Variants in PHACTR3 observed in about 807,000 individuals in gnomAD.
PHACTR3 encodes phosphatase and actin regulator 3.
Under a neutral mutation model 66.8 loss-of-function variants are expected in PHACTR3, and 16 were observed. The observed-to-expected ratio is 0.24, with a 90% CI of 0.16 to 0.36. PHACTR3 has a LOEUF of 0.36. Ranked by LOEUF, PHACTR3 falls within the 10% of genes least tolerant of loss-of-function variation. The probability of loss-of-function intolerance (pLI) is 1.00; values close to 1 mark genes in which losing one functional copy is unlikely to be tolerated. For synonymous variants in PHACTR3, 323 were observed against 292.1 expected (o/e 1.11, Z -1.08); for missense variants, 647 against 719.9 (o/e 0.90, Z 1.16).
At chr20:59,707,003 A>G (rs1210627921) in intron 1 of PHACTR3, among the ~76,000 whole-genome samples, 1 of 152,248 alleles carries the variant, frequency 6.6e-6, no homozygotes, top group Non-Finnish European at 1.5e-5. Context: ...ATTTATTTGC[A>G]TAAAGAATCT....
intron 1 of PHACTR3, among the ~76,000 whole-genome samples, chr20:59,702,516 A>G (rs1432804022): frequency 6.6e-6 from 1 of 152,246 alleles, no homozygotes; most frequent in Admixed American, 6.5e-5. Context: ...TGTCCCTCAC[A>G]GACTGCTCTG....
chr20:59,767,024 C>A (rs1423691352), intron 4 of PHACTR3, among the ~76,000 whole-genome samples, 162 bp from the exon 5 acceptor site: 1 of 152,228 alleles, frequency 6.6e-6, no homozygotes, highest in Admixed American at 6.5e-5. Flanking sequence ...TCCGATGGTT[C>A]TATTGAGAGT....
chr20:59,648,024 A>C (rs964785837), intron 1 of PHACTR3, among the ~76,000 whole-genome samples: 4 of 152,208 alleles, frequency 2.6e-5, no homozygotes, highest in African/African-American at 9.7e-5. Flanking sequence ...GAGGTTCCTC[A>C]TCTTATTAGT....
intron 1 of PHACTR3, among the ~76,000 whole-genome samples, chr20:59,580,566 G>GT (rs10690263): frequency 0.068 from 9,933 of 146,980 alleles, 390 homozygotes; most frequent in African/African-American, 0.1. Context: ...CACTAAATGA[G>GT]TTTTTTTTTT....
chr20:59,827,260 C>A (rs1032500473), intron 8 of PHACTR3, among the ~76,000 whole-genome samples: 17 of 152,154 alleles, frequency 1.1e-4, no homozygotes, highest in African/African-American at 3.9e-4. Flanking sequence ...TGGTGCCTCA[C>A]CTGAGCCCTT....
rs137894405 is a variant in PHACTR3 at position 59,736,741 on chromosome 20, A to G, written c.119-6366A>G. Among the ~76,000 whole-genome samples, 22 of 152,282 alleles carry G rather than the reference A, an allele frequency of 1.4e-4. No homozygotes were observed. In the East Asian group the frequency reaches 3.7e-3, roughly 25 times the overall value. On this transcript the variant is annotated intron_variant, in intron 1 of 12. Coordinates refer to ENST00000371015, the MANE Select transcript of PHACTR3 (RefSeq NM_080672.5). The surrounding 1 kb of genome is among the most constrained non-coding windows in gnomAD (Gnocchi z 4.6). ...TCCTCTGCCCTTGGAGGGGTTTGTAAGTAGTTTTCTCTGAGCAGCACTATT... is the reference window on the plus strand; with the variant it reads ...TCCTCTGCCCTTGGAGGGGTTTGTAGGTAGTTTTCTCTGAGCAGCACTATT...
chr20:59,727,487 G>A (rs1300491488), intron 1 of PHACTR3, among the ~76,000 whole-genome samples: 9 of 152,132 alleles, frequency 5.9e-5, no homozygotes, highest in South Asian at 2.1e-4. Context: ...CAGAGGCGCC[G>A]TTCTTGACCC....
intron 1 of PHACTR3, among the ~76,000 whole-genome samples, chr20:59,592,666 C>T (rs1373242983): frequency 6.6e-6 from 1 of 152,222 alleles, no homozygotes; most frequent in Admixed American, 6.5e-5. Flanking sequence ...TCCTTCTCTG[C>T]AACCCCTGGC....
intron 1 of PHACTR3, among the ~76,000 whole-genome samples, chr20:59,642,992 A>G (rs1051731465): frequency 6.6e-6 from 1 of 152,080 alleles, no homozygotes; most frequent in African/African-American, 2.4e-5. Context: ...GCTCACTGCA[A>G]GCACCACCTC....
intron 1 of PHACTR3, among the ~76,000 whole-genome samples, chr20:59,661,074 A>C (rs2035789218): frequency 1.3e-5 from 2 of 152,344 alleles, no homozygotes; most frequent in African/African-American, 4.8e-5. Flanking sequence ...TAAAGTGGGC[A>C]GTGGATTATG....
intron 1 of PHACTR3, among the ~76,000 whole-genome samples, chr20:59,633,484 C>T (rs887496060): frequency 6.6e-6 from 1 of 152,160 alleles, no homozygotes; most frequent in African/African-American, 2.4e-5. Flanking sequence ...GGGAACAACC[C>T]ACACCAGGGC....
At chr20:59,698,942 C>T (rs369500380) in intron 1 of PHACTR3, among the ~76,000 whole-genome samples, 1 of 152,136 alleles carries the variant, frequency 6.6e-6, no homozygotes, top group Non-Finnish European at 1.5e-5. Flanking sequence ...ATCAATGCTG[C>T]CTGGTAAGTA....
At chr20:59,767,518 C>A (rs952841275) in intron 5 of PHACTR3, 123 bp downstream of exon 5, 2 of 1,154,468 alleles carry the variant, frequency 1.7e-6, no homozygotes, top group Non-Finnish European at 2.4e-6. Flanking sequence ...ATCCATCCAT[C>A]CATACCTTCA....
At chr20:59,600,018 T>C (rs1056794672), upstream of PHACTR3, among the ~76,000 whole-genome samples, 1 of 151,906 alleles carries the variant, frequency 6.6e-6, no homozygotes, top group Admixed American at 6.6e-5. Context: ...CTGAGGTCCA[T>C]GAGATGTTGC....
At chr20:59,762,945 G>A (rs1029510566) in intron 4 of PHACTR3, among the ~76,000 whole-genome samples, 10 of 152,218 alleles carry the variant, frequency 6.6e-5, no homozygotes. Context: ...GGATGGCGTG[G>A]GGCATCTGGT....
chr20:59,720,481 A>T (rs1002769408), intron 1 of PHACTR3, among the ~76,000 whole-genome samples: 6 of 152,144 alleles, frequency 3.9e-5, no homozygotes, highest in Non-Finnish European at 5.9e-5. Context: ...TCCACCAGAG[A>T]CCATGGTGCT....
intron 1 of PHACTR3, among the ~76,000 whole-genome samples, chr20:59,661,095 G>T (rs771642981): frequency 1.3e-5 from 2 of 152,206 alleles, no homozygotes; most frequent in Non-Finnish European, 2.9e-5. Flanking sequence ...CCAGTTTCTA[G>T]ATCCTCCTAT....
chr20:59,640,594 G>A (rs751417151), intron 1 of PHACTR3, among the ~76,000 whole-genome samples: 4 of 152,208 alleles, frequency 2.6e-5, no homozygotes, highest in South Asian at 2.1e-4. Context: ...ACATGGGCAT[G>A]TGCGTGACTG....
intron 1 of PHACTR3, among the ~76,000 whole-genome samples, chr20:59,595,827 G>C (rs2180680): frequency 6.6e-6 from 1 of 151,950 alleles, no homozygotes. Flanking sequence ...CTCCTTTATC[G>C]TTATGTAATG....
Sources: allele counts gnomAD v4.1 joint callset (sites outside exome capture counted in the v4.1 genomes callset), GRCh38; gene constraint gnomAD v4.1.1; non-coding constraint Gnocchi (gnomAD v3.1); transcripts MANE v1.5; gene names NCBI Gene and HGNC (gene_info 2026-07-23, HGNC 2026-07-21).